PRRG1: variants seen among roughly 807,000 people sequenced by gnomAD.
PRRG1 encodes the protein transmembrane gamma-carboxyglutamic acid protein 1.
In PRRG1, 5 loss-of-function variants were observed where a neutral mutation model predicts 11.8. That is an observed-to-expected ratio of 0.42 (90% CI 0.22 to 0.89). The LOEUF (loss-of-function observed/expected upper bound fraction) is 0.89, where lower values mean the gene tolerates loss of function less well. Among genes scored for constraint, PRRG1 ranks in the 40% least tolerant of loss-of-function variants. The pLI, the probability that PRRG1 is intolerant of heterozygous loss-of-function variation, is 0.28. For missense variants in PRRG1, 155 were observed against 166.1 expected, an observed-to-expected ratio of 0.93 and a Z score of 0.37; for synonymous variants, 66 against 60.4, an observed-to-expected ratio of 1.09 and a Z score of -0.43.
chrX:37,442,988 G>A (rs1016111324), intron 3 of PRRG1, among the ~76,000 whole-genome samples: 1 of 112,312 alleles, frequency 8.9e-6, no homozygotes, highest in Non-Finnish European at 1.9e-5. Context: ...TGAATAGAAA[G>A]TAGATTAAAT....
At chrX:37,369,878 C>T (rs375848317) in intron 1 of PRRG1, among the ~76,000 whole-genome samples, 1 of 111,254 alleles carries the variant, frequency 9.0e-6, no homozygotes, top group Non-Finnish European at 1.9e-5. Context: ...GTAAGACATC[C>T]CTTTACTGCC....
intron 3 of PRRG1, among the ~76,000 whole-genome samples, chrX:37,432,248 C>T (rs1321763686): frequency 1.8e-5 from 2 of 110,337 alleles, no homozygotes; most frequent in African/African-American, 3.3e-5. Context: ...CCACCACGCC[C>T]GGCTAATTTT....
Position 37,453,357 on chromosome X carries a change from AC to A in PRRG1, c.401del (p.Pro134HisfsTer19), listed in dbSNP as rs781858060. Reference protein sequence around the residue: ...FPQHLNIITPPPPPDEVFDSS... With the variant: ...FPQHLNIITPXPPPDEVFDSS... ...CTCAGCACCTTAATATTATCACCCC[AC>A]CCCCCCCACCAGATGAAGTGTTTGA... On this transcript the variant is annotated frameshift_variant, in exon 4 of 4. Transcript: ENST00000378628. LOFTEE classifies it high-confidence loss of function. 1.4e-5 allele frequency: 16 copies of A among 1,178,249 alleles called. No homozygotes were observed. Among genetic ancestry groups the A allele is most frequent in the Middle Eastern group, 2.3e-4 (1 of 4,277 alleles).
chrX:37,417,786 CA>C (rs1932540619), intron 2 of PRRG1, among the ~76,000 whole-genome samples: 1 of 111,623 alleles, frequency 9.0e-6, no homozygotes, highest in Non-Finnish European at 1.9e-5. Flanking sequence ...AAATGACTTA[CA>C]AGCGAGAAAA....
chrX:37,434,748 G>A lies in PRRG1; in HGVS notation c.171+8748G>A, dbSNP rs183238580. On this transcript the variant is annotated intron_variant, in intron 3 of 3. Coordinates refer to ENST00000378628, the MANE Select transcript of PRRG1 (RefSeq NM_001142395.2). ...ATATAATTTATTCTAGTTTTTAGGTGCTGAATTCTTGCCACTTTATTTAGG... is the reference window on the plus strand; with the variant it reads ...ATATAATTTATTCTAGTTTTTAGGTACTGAATTCTTGCCACTTTATTTAGG... 7.2e-4 allele frequency among the ~76,000 whole-genome samples: 81 copies of A among 111,810 alleles called. 1 individual carries two copies. Among genetic ancestry groups the A allele is most frequent in the African/African-American group, 2.3e-3 (70 of 30,827 alleles).
At chrX:37,442,290 T>A in intron 3 of PRRG1, 1 of 704,305 alleles carries the variant, frequency 1.4e-6, no homozygotes, top group Non-Finnish European at 1.7e-6. Flanking sequence ...CACATCCCCA[T>A]GCAGGCTTAA....
chrX:37,350,122 C>T (rs1930011594), intron 1 of PRRG1, among the ~76,000 whole-genome samples: 1 of 110,658 alleles, frequency 9.0e-6, no homozygotes, highest in African/African-American at 3.3e-5. Flanking sequence ...CAGGTTTTTC[C>T]TTCTTCCTGG....
intron 2 of PRRG1, among the ~76,000 whole-genome samples, chrX:37,420,519 G>A (rs1487605218): frequency 9.1e-6 from 1 of 109,390 alleles, no homozygotes; most frequent in African/African-American, 3.3e-5. Flanking sequence ...TGTTTCTGGT[G>A]TATAGTCTTA....
At chrX:37,434,983 T>C (rs1344410006) in intron 3 of PRRG1, among the ~76,000 whole-genome samples, 4 of 112,177 alleles carry the variant, frequency 3.6e-5, no homozygotes, top group Non-Finnish European at 7.5e-5. Context: ...TAAGCGTGCA[T>C]AGGAACAGTC....
At chrX:37,398,012 ACACATACACG>A (rs1232251308) in intron 1 of PRRG1, among the ~76,000 whole-genome samples, 28 of 83,576 alleles carry the variant, frequency 3.4e-4, no homozygotes, top group African/African-American at 1.5e-3. Context: ...ACACACACAC[ACACATACACG>A]CTGAAAGAAG....
At chrX:37,418,671 C>T (rs975667186) in intron 2 of PRRG1, among the ~76,000 whole-genome samples, 1 of 111,851 alleles carries the variant, frequency 8.9e-6, no homozygotes, top group Non-Finnish European at 1.9e-5. Flanking sequence ...TGGTAACTCA[C>T]ATTCACCATT....
At chrX:37,372,776 G>A (rs1026842834) in intron 1 of PRRG1, among the ~76,000 whole-genome samples, 1 of 112,660 alleles carries the variant, frequency 8.9e-6, no homozygotes, top group Non-Finnish European at 1.9e-5. Flanking sequence ...TCCCTTGGCT[G>A]TCCAGAAACT....
chrX:37,431,064 G>A (rs1932823071), intron 3 of PRRG1, among the ~76,000 whole-genome samples: 1 of 112,067 alleles, frequency 8.9e-6, no homozygotes, highest in Non-Finnish European at 1.9e-5. Context: ...ATTAATCCAA[G>A]TTACATATAT....
intron 1 of PRRG1, among the ~76,000 whole-genome samples, chrX:37,350,296 G>A (rs1930019462): frequency 8.9e-6 from 1 of 111,928 alleles, no homozygotes; most frequent in African/African-American, 3.3e-5. Context: ...AATGGGATTT[G>A]AGAGGAAATA....
intron 3 of PRRG1, chrX:37,441,096 G>T: frequency 1.1e-6 from 1 of 932,848 alleles, no homozygotes; most frequent in Non-Finnish European, 1.3e-6. Context: ...TTAAACTCAA[G>T]GCAAACTCTA....
At position 37,406,189 on chromosome X, in the gene PRRG1, A is replaced by G. The variant is rs1259676862; in HGVS notation, c.-41-20A>G. 3.3e-6 allele frequency: 4 copies of G among 1,203,020 alleles called. No homozygotes were observed. In the African/African-American group the frequency reaches 7.0e-5, roughly 21 times the overall value. ...AGCCTCTATCAATCTGACTGTGTGT[A>G]TGTGCTCTGTTTTGTACAGGGAATC... On this transcript the variant is annotated intron_variant, in intron 1 of 3. Coordinates refer to ENST00000378628, the MANE Select transcript of PRRG1 (RefSeq NM_001142395.2).
intron 1 of PRRG1, among the ~76,000 whole-genome samples, chrX:37,384,795 C>T (rs1931269432): frequency 9.0e-6 from 1 of 111,526 alleles, no homozygotes; most frequent in Admixed American, 9.5e-5. Context: ...AAGACAATAC[C>T]AAGAGTTTGT....
chrX:37,423,062 T>A (rs1556387484), intron 2 of PRRG1, among the ~76,000 whole-genome samples: 2 of 111,141 alleles, frequency 1.8e-5, no homozygotes. Flanking sequence ...CCTGAAGACC[T>A]TCAAGTGGGA....
chrX:37,456,550 TGATAG>T lies in PRRG1; in HGVS notation c.*2934_*2938del, dbSNP rs1921365087. ...TCTCATGGTGGCTGTTGCATGATAATGATAGGATAAACAAAATACCACTGTCTTCA... is the reference window on the plus strand; with the variant it reads ...TCTCATGGTGGCTGTTGCATGATAATGATAAACAAAATACCACTGTCTTCA... On this transcript the variant is annotated 3_prime_UTR_variant, in exon 4 of 4. Coordinates refer to ENST00000378628, the MANE Select transcript of PRRG1 (RefSeq NM_001142395.2). 8.9e-6 allele frequency: 1 copy of T among 112,143 alleles called. No individual in the cohort carries two copies. The highest frequency in any genetic ancestry group is 9.4e-5 in the Admixed American group (1 of 10,583). The allele number at this position is 112,143 out of a possible 1,213,427, so 9.2% of individuals were successfully genotyped here.
Sources: allele counts gnomAD v4.1 joint callset (sites outside exome capture counted in the v4.1 genomes callset), GRCh38; gene constraint gnomAD v4.1.1; transcripts MANE v1.5; gene names NCBI Gene and HGNC (gene_info 2026-07-23, HGNC 2026-07-21).